The following ITGB3BP variants were observed in gnomAD, a reference collection of about 807,000 sequenced individuals.
ITGB3BP encodes the protein integrin subunit beta 3 binding protein, also known as centromere protein R.
Under a neutral mutation model 29.1 loss-of-function variants are expected in ITGB3BP, and 27 were observed. The observed-to-expected ratio is 0.93, with a 90% CI of 0.68 to 1.28. ITGB3BP has a LOEUF of 1.28. ITGB3BP is among the 50% of genes most tolerant of loss of function. The pLI is 0.00. For synonymous variants in ITGB3BP, 61 were observed against 61.4 expected (o/e 0.99, Z 0.03); for missense variants, 192 against 200.2 (o/e 0.96, Z 0.25).
intron 1 of ITGB3BP, 146 bp downstream of exon 1, chr1:63,522,983 C>T (rs1002630880): frequency 7.7e-6 from 7 of 913,236 alleles, no homozygotes; most frequent in Non-Finnish European, 1.3e-5. Flanking sequence ...TTGAGGGTAC[C>T]AAGCGAAGGG....
At chr1:63,489,723 C>T (rs1645605139) in intron 3 of ITGB3BP, among the ~76,000 whole-genome samples, 1 of 151,964 alleles carries the variant, frequency 6.6e-6, no homozygotes, top group Admixed American at 6.6e-5. Flanking sequence ...AGAAGTATCA[C>T]TCTTAAGTTG....
intron 1 of ITGB3BP, chr1:63,522,864 T>C (rs370136056): frequency 7.9e-6 from 5 of 635,584 alleles, no homozygotes; most frequent in Non-Finnish European, 1.5e-5. Flanking sequence ...TATTTCAAGT[T>C]AGACATCACC....
chr1:63,465,155 G>A (rs1455474041), intron 4 of ITGB3BP, among the ~76,000 whole-genome samples: 1 of 152,132 alleles, frequency 6.6e-6, no homozygotes, highest in Non-Finnish European at 1.5e-5. Context: ...GGATTTAGCA[G>A]TAAAAAAGGA....
At chr1:63,475,875 G>A (rs1445389485) in intron 4 of ITGB3BP, among the ~76,000 whole-genome samples, 1 of 151,580 alleles carries the variant, frequency 6.6e-6, no homozygotes, top group Non-Finnish European at 1.5e-5. Flanking sequence ...GCGGGTGCCT[G>A]TAATCCCAGC....
intron 1 of ITGB3BP, among the ~76,000 whole-genome samples, chr1:63,511,527 A>G (rs960918022): frequency 1.3e-5 from 2 of 152,154 alleles, no homozygotes; most frequent in Non-Finnish European, 2.9e-5. Context: ...AAAGGTAGAA[A>G]AGCAACCCAA....
In ITGB3BP at chr1:63,480,095, A is replaced by C. The variant is rs143010530; in HGVS notation, c.185-1262T>G. On this transcript the variant is annotated intron_variant, in intron 3 of 8. Coordinates refer to ENST00000271002, the MANE Select transcript of ITGB3BP (RefSeq NM_014288.5). ...CTCATTATTTATTTAAGATAACAAT[A>C]AAATAAATAAATGGTTACCTTCCAT... Among the ~76,000 whole-genome samples the C allele has an allele frequency of 7.6e-3, 1,156 of 152,240 alleles. 8 individuals carry two copies. The highest frequency in any genetic ancestry group is 0.026 in the African/African-American group (1,096 of 41,576).
At chr1:63,521,076 T>C (rs1166855481) in intron 1 of ITGB3BP, among the ~76,000 whole-genome samples, 1 of 152,086 alleles carries the variant, frequency 6.6e-6, no homozygotes, top group Admixed American at 6.6e-5. Flanking sequence ...CTGCTCAAGG[T>C]TCTAAGAAAT....
In ITGB3BP at chr1:63,454,057, GA is replaced by G. The variant is rs1261390916; in HGVS notation, c.428-84del. 7.0e-6 allele frequency: 5 copies of G among 714,634 alleles called. No homozygotes were observed. The highest frequency in any genetic ancestry group is 2.6e-5 in the East Asian group (1 of 38,136). 44.3% of individuals were successfully genotyped at this position (714,634 alleles called of 1,614,324 possible). ...ATACTTGCAACAAACAACTTCATGAGAAAAAAATAATTCAAAATAATACATA... is the reference window on the plus strand; with the variant it reads ...ATACTTGCAACAAACAACTTCATGAGAAAAAATAATTCAAAATAATACATA... On this transcript the variant is annotated intron_variant, in intron 6 of 8. Transcript: ENST00000271002. This position sits in a 1 kb window ranked among gnomAD's most constrained non-coding sequence, Gnocchi z 4.1.
intron 4 of ITGB3BP, among the ~76,000 whole-genome samples, chr1:63,459,466 C>T (rs376726909): frequency 5.9e-5 from 9 of 152,112 alleles, no homozygotes; most frequent in African/African-American, 1.9e-4. Context: ...CTATGATTCA[C>T]GCAGAAAAAG....
intron 1 of ITGB3BP, among the ~76,000 whole-genome samples, chr1:63,515,552 G>A (rs774085651): frequency 6.6e-6 from 1 of 151,932 alleles, no homozygotes; most frequent in Non-Finnish European, 1.5e-5. Flanking sequence ...TCAACGCCAG[G>A]CACGATGGTT....
intron 4 of ITGB3BP, among the ~76,000 whole-genome samples, chr1:63,463,913 C>G (rs1271339638): frequency 6.6e-6 from 1 of 151,320 alleles, no homozygotes; most frequent in Non-Finnish European, 1.5e-5. Flanking sequence ...GTAAAAAAGG[C>G]AAAGTGAAAA....
chr1:63,444,325 A>G (rs1054182083), intron 8 of ITGB3BP, among the ~76,000 whole-genome samples: 5 of 151,870 alleles, frequency 3.3e-5, no homozygotes, highest in African/African-American at 7.3e-5. Context: ...CGATGTATCT[A>G]TGATCACCAC....
upstream of ITGB3BP, chr1:63,525,672 A>C: frequency 1.9e-6 from 3 of 1,601,788 alleles, no homozygotes; most frequent in East Asian, 2.3e-5. Context: ...TGAAGAGGAA[A>C]TATTTTATAT....
chr1:63,477,415 A>G (rs1057161444), intron 4 of ITGB3BP, among the ~76,000 whole-genome samples: 1 of 152,216 alleles, frequency 6.6e-6, no homozygotes, highest in Non-Finnish European at 1.5e-5. Flanking sequence ...ATTAACTTAC[A>G]GCATAAGATC....
intron 3 of ITGB3BP, among the ~76,000 whole-genome samples, chr1:63,481,146 T>C (rs377299986): frequency 2.0e-5 from 3 of 152,156 alleles, no homozygotes; most frequent in Admixed American, 1.3e-4. Flanking sequence ...AGGTAATAAA[T>C]AGTAAAGAAT....
chr1:63,491,348 T>C (rs1645641596), intron 2 of ITGB3BP, among the ~76,000 whole-genome samples: 1 of 152,202 alleles, frequency 6.6e-6, no homozygotes, highest in Non-Finnish European at 1.5e-5. Flanking sequence ...ACAAAGAGGT[T>C]TTAAATTAGT....
chr1:63,461,267 A>G (rs1476614444), intron 4 of ITGB3BP, among the ~76,000 whole-genome samples: 1 of 150,958 alleles, frequency 6.6e-6, no homozygotes, highest in Non-Finnish European at 1.5e-5. Flanking sequence ...AAAAAAAAAA[A>G]AAAAAAAAAA....
At chr1:63,478,281 T>C (rs1262574346) in intron 4 of ITGB3BP, among the ~76,000 whole-genome samples, 8 of 152,226 alleles carry the variant, frequency 5.3e-5, no homozygotes, top group African/African-American at 1.9e-4. Flanking sequence ...CTACGTAGAC[T>C]TTCTGCAGAT....
rs141337828 is a variant in ITGB3BP, at chr1:63,454,964, T to C, written c.259A>G (p.Met87Val). ...ESTTKDNDEF[M>V]MLLSKVEKLS... ...TTCTCAACTTTTGATAGCAACATCA[T>C]GAATCTAGTAATAAAGAAAAAGACA... Residue 87 changes from methionine to valine, a missense_variant, in exon 5 of 9, where the codon ATG (methionine) becomes GTG (valine). Transcript: ENST00000271002. This position sits in a 1 kb window ranked among gnomAD's most constrained non-coding sequence, Gnocchi z 4.1. 9.4e-5 allele frequency: 141 copies of C among 1,495,448 alleles called. No homozygotes were observed. In the Middle Eastern group the frequency reaches 1.8e-3, roughly 19 times the overall value. 92.6% of individuals were successfully genotyped at this position (1,495,448 alleles called of 1,614,324 possible).
Sources: allele counts gnomAD v4.1 joint callset (sites outside exome capture counted in the v4.1 genomes callset), GRCh38; gene constraint gnomAD v4.1.1; non-coding constraint Gnocchi (gnomAD v3.1); transcripts MANE v1.5; gene names NCBI Gene and HGNC (gene_info 2026-07-23, HGNC 2026-07-21).